PAPSS2: variants seen among roughly 807,000 people sequenced by gnomAD.
PAPSS2 encodes the protein 3'-phosphoadenosine 5'-phosphosulfate synthase 2.
PAPSS2 carries 61 observed loss-of-function variants against 66.5 expected under a neutral mutation model. The ratio of observed to expected loss-of-function variants is 0.92; its 90% confidence interval spans 0.75 to 1.14. PAPSS2 has a LOEUF of 1.14. PAPSS2 is among the 50% of genes most tolerant of loss of function. The probability of loss-of-function intolerance (pLI) is 0.00; values close to 1 mark genes in which losing one functional copy is unlikely to be tolerated. For synonymous variants in PAPSS2, 289 were observed against 287.5 expected (o/e 1.01, Z -0.05); for missense variants, 708 against 789.6 (o/e 0.90, Z 1.24).
chr10:87,673,689 CTTTTTTTTTTT>C (rs34935261), intron 1 of PAPSS2, among the ~76,000 whole-genome samples: 2,064 of 67,496 alleles, frequency 0.031, 68 homozygotes, highest in African/African-American at 0.1. Flanking sequence ...TTTTGGCTTA[CTTTTTTTTTTT>C]TTTTTTTTTT....
chr10:87,744,101 C>CA (rs60248954), intron 11 of PAPSS2, among the ~76,000 whole-genome samples: 9,428 of 141,338 alleles, frequency 0.067, 756 homozygotes, highest in East Asian at 0.4. Context: ...GACTTCGTCT[C>CA]AAAAAAAAAA....
At chr10:87,736,269 T>TC (rs1564727818) in intron 9 of PAPSS2, among the ~76,000 whole-genome samples, 8 of 142,072 alleles carry the variant, frequency 5.6e-5, no homozygotes, top group South Asian at 2.3e-4. Context: ...CTTTCTTTTT[T>TC]TTTTTTTTTT....
At position 87,727,294 on chromosome 10, in the gene PAPSS2, C is replaced by A. The variant is rs768759177; in HGVS notation, c.891C>A (p.Ile297=). ...LDGMALPDGV[I]NMSIPIVLPV... is the part of the protein sequence containing the mutation. Reference sequence around the variant, plus strand: ...TGGCTCTTTCCACAGATGGCGTGATCAACATGAGCATCCCCATTGTACTGC... The same window carrying A: ...TGGCTCTTTCCACAGATGGCGTGATAAACATGAGCATCCCCATTGTACTGC... Residue 297 remains isoleucine, a synonymous_variant, in exon 9 of 13, where the codon ATC becomes ATA. Transcript: ENST00000456849. 22 of 1,613,100 alleles carry A rather than the reference C, an allele frequency of 1.4e-5. No homozygotes were observed. Among genetic ancestry groups the A allele is most frequent in the Non-Finnish European group, 1.9e-5 (22 of 1,179,934 alleles).
chr10:87,741,979 A>G (rs367594469), intron 10 of PAPSS2, among the ~76,000 whole-genome samples: 3 of 151,796 alleles, frequency 2.0e-5, no homozygotes, highest in East Asian at 3.9e-4. Flanking sequence ...GCTGGTCTTG[A>G]ACTCCTGGGC....
intron 1 of PAPSS2, among the ~76,000 whole-genome samples, chr10:87,681,401 C>T (rs1222791200): frequency 6.6e-6 from 1 of 152,128 alleles, no homozygotes; most frequent in Admixed American, 6.5e-5. Flanking sequence ...AATACACTGT[C>T]ATGTATAGCC....
chr10:87,721,718 G>C, intron 7 of PAPSS2, 38 bp from the exon 8 acceptor site: 1 of 1,499,258 alleles, frequency 6.7e-7, no homozygotes, highest in East Asian at 2.5e-5. Context: ...TTGGTGGAGA[G>C]CTGAAAATGT....
intron 11 of PAPSS2, 86 bp downstream of exon 11, chr10:87,743,727 T>A: frequency 6.8e-7 from 1 of 1,477,594 alleles, no homozygotes; most frequent in Non-Finnish European, 9.4e-7. Flanking sequence ...TCTGGGATCC[T>A]TTCTGTTTCC....
Position 87,715,841 on chromosome 10 carries a change from A to G in PAPSS2, c.863A>G (p.Asp288Gly). The G allele has an allele frequency of 6.4e-7, 1 of 1,557,738 alleles. No individual in the cohort carries two copies. ...LQVMHFDTLLDGMALPDGVIN... is the reference protein window; with the variant it reads ...LQVMHFDTLLGGMALPDGVIN... ...GTTATGCACTTTGACACCCTGCTAG[A>G]TGGTATGTTTTTGTTGTTGTTTCTT... Residue 288 changes from aspartate (D) to glycine (G), a missense_variant and splice_region_variant, in exon 7 of 13, where the codon GAT (aspartate) becomes GGT (glycine). Transcript: ENST00000456849.
At chr10:87,730,444 T>C (rs1241821845) in intron 9 of PAPSS2, among the ~76,000 whole-genome samples, 1 of 152,142 alleles carries the variant, frequency 6.6e-6, no homozygotes, top group African/African-American at 2.4e-5. Flanking sequence ...GTTATATAGA[T>C]GAAATGAAAT....
At chr10:87,712,996 A>C (rs1444400783) in intron 2 of PAPSS2, 79 bp from the exon 3 acceptor site, 2 of 800,934 alleles carry the variant, frequency 2.5e-6, no homozygotes, top group Non-Finnish European at 4.4e-6. Context: ...AGTTATATTT[A>C]AAATTACTAG....
chr10:87,693,267 A>G (rs1212502022), intron 1 of PAPSS2, among the ~76,000 whole-genome samples: 1 of 152,198 alleles, frequency 6.6e-6, no homozygotes, highest in Non-Finnish European at 1.5e-5. Context: ...AAGTCCTGTG[A>G]TTCTGTTTAC....
rs1341348047 is a variant in PAPSS2, at chr10:87,746,239, C to T, written c.*269C>T. The T allele has an allele frequency of 6.4e-5, 15 of 235,108 alleles. No individual in the cohort carries two copies. Among genetic ancestry groups the T allele is most frequent in the Non-Finnish European group, 1.2e-4 (15 of 122,454 alleles). The allele number at this position is 235,108 out of a possible 1,614,324, so 14.6% of individuals were successfully genotyped here. On this transcript the variant is annotated 3_prime_UTR_variant, in exon 13 of 13. Coordinates refer to ENST00000456849, the MANE Select transcript of PAPSS2 (RefSeq NM_001015880.2). ...TTAGCTCTATGTATTTTCTACTGCA[C>T]CTGAGCAGGCAGGTCCCAGATTTCT...
chr10:87,727,957 AC>A (rs1452066026), intron 9 of PAPSS2, among the ~76,000 whole-genome samples: 1 of 152,080 alleles, frequency 6.6e-6, no homozygotes, highest in Non-Finnish European at 1.5e-5. Context: ...GGTCAATGAT[AC>A]TCTCTTAGTA....
intron 2 of PAPSS2, among the ~76,000 whole-genome samples, 174 bp from the exon 3 acceptor site, chr10:87,712,900 AT>A (rs1853479809): frequency 6.6e-6 from 1 of 151,818 alleles, no homozygotes; most frequent in African/African-American, 2.4e-5. Context: ...ACAAATAGTT[AT>A]TTCAAAATTT....
intron 1 of PAPSS2, among the ~76,000 whole-genome samples, chr10:87,676,756 C>A (rs1416686540): frequency 6.6e-6 from 1 of 151,758 alleles, no homozygotes; most frequent in East Asian, 1.9e-4. Flanking sequence ...CCTGTAGACA[C>A]AGCTACTTGG....
chr10:87,680,549 TTGAA>T (rs1853006925), intron 1 of PAPSS2, among the ~76,000 whole-genome samples: 1 of 152,312 alleles, frequency 6.6e-6, no homozygotes, highest in Non-Finnish European at 1.5e-5. Context: ...CTCAGTCACT[TTGAA>T]TGCTCCCTGT....
At chr10:87,745,364 A>G (rs1211886238) in intron 12 of PAPSS2, 133 bp downstream of exon 12, 1 of 723,436 alleles carries the variant, frequency 1.4e-6, no homozygotes. Flanking sequence ...TTGAGAGTCA[A>G]GACGTGGTCT....
intron 8 of PAPSS2, among the ~76,000 whole-genome samples, 177 bp downstream of exon 8, chr10:87,721,947 C>T (rs893138952): frequency 2.0e-5 from 3 of 152,066 alleles, no homozygotes; most frequent in Non-Finnish European, 4.4e-5. Flanking sequence ...AGACTGGAGT[C>T]CAAACAACAG....
At chr10:87,718,065 C>G (rs1853552939) in intron 7 of PAPSS2, among the ~76,000 whole-genome samples, 1 of 149,066 alleles carries the variant, frequency 6.7e-6, no homozygotes, top group Non-Finnish European at 1.5e-5. Flanking sequence ...TTTTTTGAGA[C>G]AGAGTCTTGC....
Sources: gnomAD v4.1 joint callset for allele counts (sites outside exome capture counted in the v4.1 genomes callset) on GRCh38, gnomAD v4.1.1 for gene constraint, MANE v1.5 for transcripts, NCBI Gene and HGNC (gene_info 2026-07-23, HGNC 2026-07-21) for gene names.